The following NELL1 variants were observed in gnomAD, a reference collection of about 807,000 sequenced individuals.
NELL1 encodes protein kinase C-binding protein NELL1.
Under a neutral mutation model 107.4 loss-of-function variants are expected in NELL1, and 76 were observed. That is an observed-to-expected ratio of 0.71 (90% CI 0.59 to 0.86). The LOEUF is 0.86. Among genes scored for constraint, NELL1 ranks in the 40% least tolerant of loss-of-function variants. The pLI, the probability that NELL1 is intolerant of heterozygous loss-of-function variation, is 0.00. For missense variants in NELL1, 1,024 were observed against 1,005.5 expected (o/e 1.02, Z -0.25); for synonymous variants, 353 against 341.2 (o/e 1.03, Z -0.38).
intron 14 of NELL1, among the ~76,000 whole-genome samples, chr11:21,247,293 T>C (rs1288615589): frequency 2.0e-5 from 3 of 152,256 alleles, no homozygotes; most frequent in African/African-American, 7.2e-5. Context: ...ATACCTTTTT[T>C]ACTTTATAAA....
At chr11:21,051,635 A>G (rs1369446739) in intron 12 of NELL1, among the ~76,000 whole-genome samples, 1 of 152,158 alleles carries the variant, frequency 6.6e-6, no homozygotes, top group Non-Finnish European at 1.5e-5. Flanking sequence ...CCTCCCATCT[A>G]TGGGACATGA....
At chr11:20,715,638 G>A (rs1346800386) in intron 2 of NELL1, among the ~76,000 whole-genome samples, 1 of 152,196 alleles carries the variant, frequency 6.6e-6, no homozygotes, top group African/African-American at 2.4e-5. Flanking sequence ...ATCTGCCAAT[G>A]TGTCTTTTGA....
At chr11:21,245,236 G>A (rs1041846645) in intron 14 of NELL1, among the ~76,000 whole-genome samples, 6 of 152,094 alleles carry the variant, frequency 3.9e-5, no homozygotes, top group Non-Finnish European at 7.3e-5. Context: ...CTTCCCTGCT[G>A]TGAAATAGCT....
intron 12 of NELL1, among the ~76,000 whole-genome samples, chr11:21,084,731 G>A (rs991081480): frequency 4.6e-5 from 7 of 152,140 alleles, no homozygotes; most frequent in East Asian, 3.8e-4. Context: ...TCTTGATAGC[G>A]CAACCACTGT....
At chr11:21,090,618 A>C (rs1030343823) in intron 12 of NELL1, among the ~76,000 whole-genome samples, 3 of 152,174 alleles carry the variant, frequency 2.0e-5, no homozygotes, top group Non-Finnish European at 2.9e-5. Flanking sequence ...GAACAATGCC[A>C]TAAATGCAGA....
At chr11:20,883,205 G>A (rs996194471) in intron 4 of NELL1, among the ~76,000 whole-genome samples, 5 of 152,182 alleles carry the variant, frequency 3.3e-5, no homozygotes. Flanking sequence ...GTATGACATG[G>A]GAAATGAGAA....
At chr11:21,498,820 G>A (rs143028134) in intron 15 of NELL1, among the ~76,000 whole-genome samples, 1,524 of 152,048 alleles carry the variant, frequency 0.01, 11 homozygotes, top group Non-Finnish European at 0.016. Context: ...GCAGGCTGAC[G>A]TTTTACACTT....
intron 15 of NELL1, among the ~76,000 whole-genome samples, chr11:21,444,602 G>T: frequency 6.6e-6 from 1 of 151,812 alleles, no homozygotes; most frequent in African/African-American, 2.4e-5. Context: ...TAGTTTTTGT[G>T]GATACATAGT....
intron 2 of NELL1, among the ~76,000 whole-genome samples, chr11:20,730,320 G>A (rs1855608488): frequency 6.6e-6 from 1 of 152,146 alleles, no homozygotes; most frequent in African/African-American, 2.4e-5. Flanking sequence ...GCATCAGTGA[G>A]CCTGTAAACT....
At chr11:21,153,223 C>T (rs1054895326) in intron 13 of NELL1, among the ~76,000 whole-genome samples, 14 of 152,048 alleles carry the variant, frequency 9.2e-5, no homozygotes, top group Admixed American at 2.0e-4. Context: ...ACCAGATGGA[C>T]CATTCATTAA....
intron 15 of NELL1, among the ~76,000 whole-genome samples, chr11:21,430,128 A>C (rs1852930322): frequency 6.6e-6 from 1 of 152,192 alleles, no homozygotes; most frequent in Non-Finnish European, 1.5e-5. Context: ...TGGAAGGCCA[A>C]AGATATTAAG....
chr11:21,034,341 G>C (rs961729038), intron 12 of NELL1, among the ~76,000 whole-genome samples: 11 of 152,098 alleles, frequency 7.2e-5, no homozygotes, highest in African/African-American at 2.7e-4. Flanking sequence ...TTATTTCTGG[G>C]TTCTGTATTC....
intron 12 of NELL1, among the ~76,000 whole-genome samples, chr11:20,981,746 G>A (rs1291183338): frequency 6.7e-6 from 1 of 148,962 alleles, no homozygotes; most frequent in Non-Finnish European, 1.5e-5. Context: ...TTAAAATAAG[G>A]AACTCGTGTT....
At chr11:20,686,678 T>C (rs534412937) in intron 2 of NELL1, among the ~76,000 whole-genome samples, 3 of 152,206 alleles carry the variant, frequency 2.0e-5, no homozygotes, top group Admixed American at 6.6e-5. Flanking sequence ...TCAATATGAG[T>C]AGGTTACAGT....
chr11:21,212,425 CAGTT>C (rs931732004), intron 13 of NELL1, among the ~76,000 whole-genome samples: 7 of 152,256 alleles, frequency 4.6e-5, no homozygotes, highest in Admixed American at 1.3e-4. Context: ...GGTTCCAACT[CAGTT>C]AGAGCAGTCC....
At chr11:21,161,944 CTTT>C (rs34422649) in intron 13 of NELL1, among the ~76,000 whole-genome samples, 1 of 83,060 alleles carries the variant, frequency 1.2e-5, no homozygotes, top group African/African-American at 4.8e-5. Context: ...GGAACATAAT[CTTT>C]TTTTTTTTTT....
At chr11:21,161,012 C>T (rs1041402754) in intron 13 of NELL1, among the ~76,000 whole-genome samples, 12 of 149,150 alleles carry the variant, frequency 8.0e-5, no homozygotes, top group African/African-American at 2.7e-4. Context: ...CACACACACA[C>T]ACACACACAC....
At chr11:21,096,291 A>G (rs1854641443) in intron 12 of NELL1, among the ~76,000 whole-genome samples, 1 of 152,174 alleles carries the variant, frequency 6.6e-6, no homozygotes, top group Non-Finnish European at 1.5e-5. Flanking sequence ...GCATTGTAAA[A>G]AAACGTCCCC....
At chr11:21,550,775 G>A (rs1255332005) in intron 16 of NELL1, among the ~76,000 whole-genome samples, 1 of 152,100 alleles carries the variant, frequency 6.6e-6, no homozygotes, top group Non-Finnish European at 1.5e-5. Flanking sequence ...CAGGTAGCGT[G>A]ATGCCTCCAG....
Sources: allele counts gnomAD v4.1 joint callset (sites outside exome capture counted in the v4.1 genomes callset), GRCh38; gene constraint gnomAD v4.1.1; transcripts MANE v1.5; gene names NCBI Gene and HGNC (gene_info 2026-07-23, HGNC 2026-07-21).